Variants in PTPRN2 observed in about 807,000 individuals in gnomAD.
PTPRN2 encodes the protein protein tyrosine phosphatase receptor type N2, also known as receptor-type tyrosine-protein phosphatase N2.
PTPRN2 carries 74 observed loss-of-function variants against 118.8 expected under a neutral mutation model. That is an observed-to-expected ratio of 0.62 (90% confidence interval 0.52 to 0.76). The LOEUF (loss-of-function observed/expected upper bound fraction) is 0.76. Among genes scored for constraint, PTPRN2 ranks in the 30% least tolerant of loss-of-function variants. PTPRN2 has a pLI of 0.00. For synonymous variants in PTPRN2, 641 were observed against 608.0 expected (o/e 1.05, Z -0.80); for missense variants, 1,481 against 1,394.4 (o/e 1.06, Z -0.99).
chr7:157,828,891 G>A (rs189303748), intron 12 of PTPRN2, among the ~76,000 whole-genome samples: 18 of 152,342 alleles, frequency 1.2e-4, no homozygotes, highest in African/African-American at 3.4e-4. Context: ...AGGGCAAGCC[G>A]TTTGGAGTCA....
chr7:157,703,653 C>A lies in PTPRN2; in HGVS notation c.1789-20716G>T, dbSNP rs570931673. On this transcript the variant is annotated intron_variant, in intron 12 of 22. Transcript: ENST00000389418. ...ACTTCTTCTCAGCCAGGCAGAGGCA[C>A]CTGCAGGAGGTGAAAGGCAAGTTCC... Among the ~76,000 whole-genome samples the A allele has an allele frequency of 5.5e-4, 84 of 152,292 alleles. 1 individual carries two copies. The highest frequency in any genetic ancestry group is 2.0e-3 in the African/African-American group (83 of 41,566).
chr7:158,244,349 G>T (rs1243543499), intron 3 of PTPRN2, among the ~76,000 whole-genome samples: 1 of 152,246 alleles, frequency 6.6e-6, no homozygotes, highest in African/African-American at 2.4e-5. Flanking sequence ...TGAAGAAAAA[G>T]GCTGAACAAG....
rs890198347 is a variant in PTPRN2 at position 158,529,740 on chromosome 7, G to C, written c.113-39955C>G. On this transcript the variant is annotated intron_variant, in intron 1 of 22. Coordinates refer to ENST00000389418, the MANE Select transcript of PTPRN2 (RefSeq NM_002847.5). The surrounding 1 kb of genome is among the most constrained non-coding windows in gnomAD (Gnocchi z 4.7). ...GGGCTGTGGGGAGGGGCGGTCACCA[G>C]AAGGGGCCAGGCGGGAGCAGGACCA... is the stretch of plus-strand genomic sequence containing the variant. Among the ~76,000 whole-genome samples, 7 of 152,146 alleles carry C rather than the reference G, an allele frequency of 4.6e-5. No homozygotes were observed. Among genetic ancestry groups the C allele is most frequent in the Non-Finnish European group, 1.0e-4 (7 of 68,032 alleles).
intron 5 of PTPRN2, among the ~76,000 whole-genome samples, chr7:158,185,312 G>GA (rs1202348489): frequency 1.3e-5 from 2 of 152,112 alleles, no homozygotes; most frequent in African/African-American, 4.8e-5. Flanking sequence ...TACTCAAAAA[G>GA]AATGTGTGTT....
intron 3 of PTPRN2, among the ~76,000 whole-genome samples, chr7:158,282,890 G>A (rs925516866): frequency 6.6e-6 from 1 of 151,574 alleles, no homozygotes; most frequent in Non-Finnish European, 1.5e-5. Flanking sequence ...GACACAGAGG[G>A]CTCATCCCTC....
chr7:158,451,643 T>C (rs1818104166), intron 2 of PTPRN2, among the ~76,000 whole-genome samples: 1 of 152,200 alleles, frequency 6.6e-6, no homozygotes. Flanking sequence ...GTCTTGAAGA[T>C]GAACCACAAC....
At chr7:157,628,091 G>C (rs1003667413) in intron 14 of PTPRN2, among the ~76,000 whole-genome samples, 5 of 152,204 alleles carry the variant, frequency 3.3e-5, no homozygotes, top group East Asian at 3.8e-4. Flanking sequence ...TGGGTCACAA[G>C]ACTGGGTGCT....
intron 11 of PTPRN2, among the ~76,000 whole-genome samples, chr7:157,924,173 G>A (rs1798839090): frequency 6.6e-6 from 1 of 152,214 alleles, no homozygotes; most frequent in African/African-American, 2.4e-5. Flanking sequence ...TGGACAGGAT[G>A]AGGGGGCGCG....
At chr7:157,636,499 A>G (rs934011099) in intron 14 of PTPRN2, among the ~76,000 whole-genome samples, 1 of 152,254 alleles carries the variant, frequency 6.6e-6, no homozygotes, top group Non-Finnish European at 1.5e-5. Flanking sequence ...TGAAAAATTA[A>G]TTCAGTCTTA....
At chr7:158,084,092 C>T (rs1238974631) in intron 10 of PTPRN2, among the ~76,000 whole-genome samples, 1 of 152,152 alleles carries the variant, frequency 6.6e-6, no homozygotes, top group Non-Finnish European at 1.5e-5. Flanking sequence ...CTTGGACTTG[C>T]TTTGGCCTAG....
At chr7:158,540,237 C>T (rs1586905323) in intron 1 of PTPRN2, among the ~76,000 whole-genome samples, 1 of 152,196 alleles carries the variant, frequency 6.6e-6, no homozygotes, top group East Asian at 1.9e-4. Context: ...CCAGGAGCCT[C>T]GGGCCCACCA....
At chr7:158,223,342 G>A (rs932050321) in intron 3 of PTPRN2, among the ~76,000 whole-genome samples, 3 of 152,024 alleles carry the variant, frequency 2.0e-5, no homozygotes, top group South Asian at 2.1e-4. Flanking sequence ...ATATTAACCC[G>A]ATACCAAAAG....
chr7:158,352,932 A>G (rs4909197), intron 2 of PTPRN2, among the ~76,000 whole-genome samples: 138,751 of 151,940 alleles, frequency 0.91, 63,726 homozygotes, highest in Non-Finnish European at 0.96. Flanking sequence ...CAGGGCCTGC[A>G]CCAGGCCACC....
chr7:158,065,954 CAA>C (rs1420493257), intron 11 of PTPRN2, among the ~76,000 whole-genome samples: 2 of 152,186 alleles, frequency 1.3e-5, no homozygotes, highest in Non-Finnish European at 2.9e-5. Context: ...GGAATGCATG[CAA>C]AGAGTTTCGT....
intron 2 of PTPRN2, among the ~76,000 whole-genome samples, chr7:158,374,876 A>G (rs117937149): frequency 0.061 from 9,268 of 152,284 alleles, 352 homozygotes; most frequent in Admixed American, 0.095. Context: ...TGCTGGGTGC[A>G]TTTGCCAAAA....
At chr7:158,071,403 G>GTGA (rs1811569669) in intron 11 of PTPRN2, among the ~76,000 whole-genome samples, 2 of 108,314 alleles carry the variant, frequency 1.8e-5, no homozygotes, top group African/African-American at 3.6e-5. Flanking sequence ...GGTGCTCGTG[G>GTGA]TGGAGTTGCT....
chr7:158,080,022 T>A (rs926834191), intron 11 of PTPRN2, among the ~76,000 whole-genome samples: 2 of 152,030 alleles, frequency 1.3e-5, no homozygotes, highest in African/African-American at 4.8e-5. Context: ...CAACCACAAA[T>A]TCTCAGCCCC....
intron 6 of PTPRN2, among the ~76,000 whole-genome samples, chr7:158,151,752 G>T (rs1288848298): frequency 1.3e-5 from 2 of 150,840 alleles, no homozygotes; most frequent in Non-Finnish European, 2.9e-5. Context: ...CTTCCTTCCT[G>T]CCACAAATAT....
At chr7:157,703,135 G>C (rs1380277022) in intron 12 of PTPRN2, among the ~76,000 whole-genome samples, 1 of 152,218 alleles carries the variant, frequency 6.6e-6, no homozygotes. Context: ...CAGTGTGGCC[G>C]GCAGCCTCTG....
Sources: allele counts gnomAD v4.1 joint callset (sites outside exome capture counted in the v4.1 genomes callset), GRCh38; gene constraint gnomAD v4.1.1; non-coding constraint Gnocchi (gnomAD v3.1); transcripts MANE v1.5; gene names NCBI Gene and HGNC (gene_info 2026-07-23, HGNC 2026-07-21).